Variants in NBPF15 observed in about 807,000 individuals in gnomAD.
NBPF15 encodes the protein NBPF family member NBPF15.
NBPF15 carries 74 observed loss-of-function variants against 62.2 expected under a neutral mutation model. The observed-to-expected ratio is 1.19, with a 90% CI of 0.99 to 1.44. The LOEUF is 1.44. Among genes scored for constraint, NBPF15 ranks in the 40% most tolerant of loss-of-function variants. NBPF15 has a pLI of 0.00. For synonymous variants in NBPF15, 244 were observed against 209.7 expected, an observed-to-expected ratio of 1.16 and a Z score of -1.41; for missense variants, 790 against 550.0, an observed-to-expected ratio of 1.44 and a Z score of -4.36.
At chr1:144,459,070 A>G (rs1393664979) in intron 3 of NBPF15, among the ~76,000 whole-genome samples, 3 of 151,640 alleles carry the variant, frequency 2.0e-5, no homozygotes, top group Non-Finnish European at 4.4e-5. Context: ...AAACTAAAAT[A>G]AAATTGCTAT....
intron 6 of NBPF15, among the ~76,000 whole-genome samples, chr1:144,441,198 G>A (rs1682673127): frequency 6.6e-6 from 1 of 151,434 alleles, no homozygotes; most frequent in South Asian, 2.1e-4. Context: ...ATTTTCCTGG[G>A]TATCTATAGC....
At position 144,439,979 on chromosome 1, in the gene NBPF15, A is replaced by G. The variant is rs1681605916; in HGVS notation, c.25T>C (p.Ser9Pro). 1 of 1,610,082 alleles carries G rather than the reference A, an allele frequency of 6.2e-7. No homozygotes were observed. Among genetic ancestry groups the G allele is most frequent in the Non-Finnish European group, 8.5e-7 (1 of 1,178,192 alleles). Residue 9 changes from serine to proline, a missense_variant, in exon 8 of 22, where the codon TCC (serine) becomes CCC (proline). Physicochemically the swap from Ser to Pro is moderately conservative, Grantham distance 74. Transcript: ENST00000581897. MVVSAGPL[S>P]SEKAEMNILE... The stretch of plus-strand genomic sequence containing the variant: ...ATGTTCATCTCTGCCTTCTCGCTGG[A>G]CAAAGGGCCGGCTGATACCACCATG...
Position 144,426,433 on chromosome 1 carries a change from A to T in NBPF15, c.1283T>A (p.Leu428Gln). 2 of 793,446 alleles carry T rather than the reference A, an allele frequency of 2.5e-6. No individual in the cohort carries two copies. The highest frequency in any genetic ancestry group is 4.6e-6 in the Non-Finnish European group (2 of 434,648). 49.2% of individuals were successfully genotyped at this position (793,446 alleles called of 1,614,324 possible). A position where few individuals can be genotyped will look rare whatever the true frequency, so the allele number is the denominator to read the frequency against. Residue 428 changes from leucine to glutamine, a missense_variant, in exon 18 of 22, where the codon CTG becomes CAG. Physicochemically the swap from Leu to Gln is moderately radical, Grantham distance 113. Transcript: ENST00000581897. ...CAAGACTTCAGGCTCTTTCTCATCC[A>T]GCAGCTCCCTGCTGAGCCTGGAAAA... ...PSCPRLSRELLDEKEPEVLQD... is the reference protein window; with the variant it reads ...PSCPRLSRELQDEKEPEVLQD...
At chr1:144,423,330 G>T in intron 21 of NBPF15, 74 bp from the exon 22 acceptor site, 2 of 1,610,406 alleles carry the variant, frequency 1.2e-6, no homozygotes, top group Non-Finnish European at 1.7e-6. Flanking sequence ...GATTTCAGAA[G>T]TAATATAAGG....
rs1250750030 is a variant in NBPF15, at chr1:144,422,892, C to A, written c.*121G>T. 8 of 1,603,748 alleles carry A rather than the reference C, an allele frequency of 5.0e-6. No individual in the cohort carries two copies. The African/African-American group carries it at 5.4e-5, about 11-fold the overall frequency. On this transcript the variant is annotated 3_prime_UTR_variant, in exon 22 of 22. Coordinates refer to ENST00000581897, the MANE Select transcript of NBPF15 (RefSeq NM_001385408.1). ...GCATGGTTTGAGAATAGGAATAGAGCCATGCTCACTGACCCATCCTATGTC... is the reference window on the plus strand; with the variant it reads ...GCATGGTTTGAGAATAGGAATAGAGACATGCTCACTGACCCATCCTATGTC...
intron 7 of NBPF15, 33 bp from the exon 8 acceptor site, chr1:144,440,071 T>A: frequency 1.3e-6 from 2 of 1,571,016 alleles, no homozygotes; most frequent in Non-Finnish European, 8.8e-7. Flanking sequence ...TATGATGGGT[T>A]AAAAACTGGT....
intron 6 of NBPF15, among the ~76,000 whole-genome samples, chr1:144,441,821 C>T (rs1416028034): frequency 2.9e-4 from 44 of 150,520 alleles, no homozygotes; most frequent in Non-Finnish European, 5.7e-4. Flanking sequence ...CTTTTTAAAA[C>T]AACAAATATT....
chr1:144,440,469 C>G, intron 6 of NBPF15, 174 bp from the exon 7 acceptor site: 1 of 511,272 alleles, frequency 2.0e-6, no homozygotes, highest in South Asian at 2.8e-5. Flanking sequence ...ACCCTTGTGA[C>G]AATGCCACAG....
intron 4 of NBPF15, among the ~76,000 whole-genome samples, 192 bp downstream of exon 4, chr1:144,456,345 A>G (rs1553546982): frequency 6.6e-6 from 1 of 152,008 alleles, no homozygotes; most frequent in African/African-American, 2.4e-5. Context: ...TGACGACGGC[A>G]CTGCAGGTCG....
chr1:144,427,859 A>G lies in NBPF15; in HGVS notation c.1172T>C (p.Val391Ala), dbSNP rs1203681906. ...CAAGCCAACACGCTGTTGCTCCAAT[A>G]CGTAAAAGGCACTTCTGTAGGGCTG... ...SCQPYRSAFY[V>A]LEQQRVGLAI... Residue 391 changes from valine (V) to alanine (A), a missense_variant, in exon 16 of 22, where the codon GTA (valine) becomes GCA (alanine). Coordinates refer to ENST00000581897, the MANE Select transcript of NBPF15 (RefSeq NM_001385408.1). 1.4e-6 allele frequency: 1 copy of G among 690,598 alleles called. No homozygotes were observed. Among genetic ancestry groups the G allele is most frequent in the African/African-American group, 1.8e-5 (1 of 55,140 alleles). 42.8% of individuals were successfully genotyped at this position (690,598 alleles called of 1,614,324 possible).
chr1:144,434,626 A>G (rs1676863269), intron 12 of NBPF15, among the ~76,000 whole-genome samples: 1 of 151,042 alleles, frequency 6.6e-6, no homozygotes, highest in Non-Finnish European at 1.5e-5. Context: ...GTAAAGAAGA[A>G]AAGTTTCCGT....
chr1:144,434,587 G>A (rs1165473129), intron 12 of NBPF15, among the ~76,000 whole-genome samples: 2 of 148,100 alleles, frequency 1.4e-5, no homozygotes, highest in Non-Finnish European at 3.0e-5. Context: ...CCAGGGTCCA[G>A]CCTTGCTTTA....
intron 10 of NBPF15, among the ~76,000 whole-genome samples, chr1:144,436,161 C>G (rs1221201186): frequency 3.3e-5 from 5 of 152,086 alleles, no homozygotes; most frequent in Non-Finnish European, 7.4e-5. Context: ...CCTGCCAGAT[C>G]TGATTCCCAG....
In NBPF15 at chr1:144,426,318, T is replaced by C. The variant is rs782480077; in HGVS notation, c.1398A>G (p.Ser466=). Residue 466 remains serine, a synonymous_variant, in exon 18 of 22, where the codon TCA becomes TCG. Transcript: ENST00000581897. The part of the protein sequence containing the change: ...LGQPYSSAVY[S]LEEQYLGLAL... ...CCAAGCCAAGGTACTGTTCCTCCAA[T>C]GAGTAAACAGCACTGCTGTAGGGCT... is the stretch of plus-strand genomic sequence containing the variant. 2.7e-6 allele frequency: 2 copies of C among 751,940 alleles called. No individual in the cohort carries two copies. Among genetic ancestry groups the C allele is most frequent in the Middle Eastern group, 3.6e-4 (1 of 2,762 alleles). The allele number at this position is 751,940 out of a possible 1,614,324, so 46.6% of individuals were successfully genotyped here.
intron 4 of NBPF15, among the ~76,000 whole-genome samples, chr1:144,455,271 G>A (rs1221063681): frequency 1.4e-5 from 2 of 147,910 alleles, no homozygotes; most frequent in Admixed American, 6.8e-5. Flanking sequence ...AAGTAGGGAA[G>A]GGAGAGAAGT....
At chr1:144,443,227 GAATA>G (rs1684876747) in intron 6 of NBPF15, among the ~76,000 whole-genome samples, 1 of 151,526 alleles carries the variant, frequency 6.6e-6, no homozygotes, top group Non-Finnish European at 1.5e-5. Context: ...GATTTTTTAT[GAATA>G]AAAAAGATTC....
rs782094655 is a variant in NBPF15, at chr1:144,427,991, C to G, written c.1041-1G>C. On this transcript the variant is annotated splice_acceptor_variant, in intron 15 of 21. Transcript: ENST00000581897. LOFTEE classifies it high-confidence loss of function. ...CTCATCCAGCAGCTCCCTGCTGAGC[C>G]TGGAAAAGTGGGAAAAAGTAAAGAA... 2 of 749,092 alleles carry G rather than the reference C, an allele frequency of 2.7e-6. No homozygotes were observed. The highest frequency in any genetic ancestry group is 2.8e-5 in the South Asian group (2 of 70,194). The allele number at this position is 749,092 out of a possible 1,614,324, so 46.4% of individuals were successfully genotyped here.
chr1:144,456,352 G>A (rs1400367807), intron 4 of NBPF15, among the ~76,000 whole-genome samples, 185 bp downstream of exon 4: 4 of 152,000 alleles, frequency 2.6e-5, no homozygotes, highest in East Asian at 1.9e-4. Context: ...GGCACTGCAG[G>A]TCGAGGGTGG....
At chr1:144,459,933 C>T (rs1442316355) in intron 2 of NBPF15, among the ~76,000 whole-genome samples, 1 of 150,570 alleles carries the variant, frequency 6.6e-6, no homozygotes, top group Non-Finnish European at 1.5e-5. Context: ...ACCTCTAAAA[C>T]CAACAATGCC....
Sources: gnomAD v4.1 joint callset for allele counts (sites outside exome capture counted in the v4.1 genomes callset) on GRCh38, gnomAD v4.1.1 for gene constraint, MANE v1.5 for transcripts, NCBI Gene and HGNC (gene_info 2026-07-23, HGNC 2026-07-21) for gene names.